CNGA1: variants seen among roughly 807,000 people sequenced by gnomAD.
CNGA1 encodes the protein cyclic nucleotide-gated channel alpha-1.
CNGA1 carries 53 observed loss-of-function variants against 69.7 expected under a neutral mutation model. That is an observed-to-expected ratio of 0.76 (90% CI 0.61 to 0.96). CNGA1 has a LOEUF of 0.96. Ranked by LOEUF, CNGA1 falls within the 40% of genes least tolerant of loss-of-function variation. The pLI, the probability that CNGA1 is intolerant of heterozygous loss-of-function variation, is 0.00. For synonymous variants in CNGA1, 249 were observed against 283.5 expected (o/e 0.88, Z 1.22); for missense variants, 739 against 811.2 (o/e 0.91, Z 1.08).
At chr4:47,955,907 A>G (rs536639962) in intron 3 of CNGA1, among the ~76,000 whole-genome samples, 3 of 152,338 alleles carry the variant, frequency 2.0e-5, no homozygotes, top group Admixed American at 6.5e-5. Flanking sequence ...TTGTGTTTTA[A>G]AAAGCTATAC....
chr4:48,002,691 A>G (rs1714714717), intron 2 of CNGA1, among the ~76,000 whole-genome samples: 1 of 150,870 alleles, frequency 6.6e-6, no homozygotes, highest in Non-Finnish European at 1.5e-5. Flanking sequence ...TGCAAAAAAA[A>G]AAAAAAAACA....
intron 2 of CNGA1, among the ~76,000 whole-genome samples, chr4:48,009,236 G>A (rs747550992): frequency 1.1e-4 from 17 of 152,120 alleles, no homozygotes; most frequent in Non-Finnish European, 2.2e-4. Context: ...GGAGGCCTAG[G>A]TGGGTGGATC....
chr4:47,965,522 G>A (rs1740675374), intron 3 of CNGA1, among the ~76,000 whole-genome samples: 1 of 151,568 alleles, frequency 6.6e-6, no homozygotes, highest in Non-Finnish European at 1.5e-5. Context: ...CACCATCTTG[G>A]TTCAAGTGAT....
chr4:47,996,316 G>T (rs550123746), intron 2 of CNGA1, among the ~76,000 whole-genome samples: 1 of 152,286 alleles, frequency 6.6e-6, no homozygotes, highest in South Asian at 2.1e-4. Context: ...TGGAATATTG[G>T]AAATTTAGTG....
intron 2 of CNGA1, among the ~76,000 whole-genome samples, chr4:47,981,879 T>C (rs556932709): frequency 6.6e-6 from 1 of 152,352 alleles, no homozygotes; most frequent in East Asian, 1.9e-4. Context: ...TTACAAAGTA[T>C]AATTACATTT....
At chr4:47,962,727 C>T (rs928195263) in intron 3 of CNGA1, among the ~76,000 whole-genome samples, 2 of 152,108 alleles carry the variant, frequency 1.3e-5, no homozygotes, top group Admixed American at 6.6e-5. Flanking sequence ...TTTCTAATTT[C>T]CCCCAAATTT....
chr4:47,990,327 G>T (rs543343528), intron 2 of CNGA1, among the ~76,000 whole-genome samples: 122 of 152,166 alleles, frequency 8.0e-4, no homozygotes, highest in South Asian at 1.5e-3. Flanking sequence ...TTGGGGGGAG[G>T]TCTATAGATG....
chr4:47,982,662 GATA>G (rs1741773454), intron 2 of CNGA1, among the ~76,000 whole-genome samples: 3 of 151,790 alleles, frequency 2.0e-5, no homozygotes, highest in African/African-American at 7.3e-5. Context: ...ATTATATTAT[GATA>G]ATATTTATAT....
At chr4:47,980,867 T>C (rs530235246) in intron 3 of CNGA1, among the ~76,000 whole-genome samples, 1 of 75,270 alleles carries the variant, frequency 1.3e-5, no homozygotes, top group Non-Finnish European at 3.2e-5. Flanking sequence ...CATAGAGTAG[T>C]ATTGTATCCT....
chr4:48,004,611 C>T (rs988890780), intron 2 of CNGA1, among the ~76,000 whole-genome samples: 1 of 152,044 alleles, frequency 6.6e-6, no homozygotes, highest in Non-Finnish European at 1.5e-5. Context: ...TTTTAGCAGG[C>T]TGTAAAGTCT....
chr4:47,983,571 C>A (rs13145327), intron 2 of CNGA1, among the ~76,000 whole-genome samples: 21,763 of 151,768 alleles, frequency 0.14, 1,889 homozygotes, highest in Middle Eastern at 0.23. Context: ...GCCTGGGCGA[C>A]AGAGCGAGAC....
rs999114062 is a variant in CNGA1 at position 48,016,635 on chromosome 4, C to G, written c.-375G>C. ...AGGCCGCTCCCAGGCCTGCGGGGGCCCTGAGAATTCGCAACAAGCCCCGGG... is the reference window on the plus strand; with the variant it reads ...AGGCCGCTCCCAGGCCTGCGGGGGCGCTGAGAATTCGCAACAAGCCCCGGG... On this transcript the variant is annotated 5_prime_UTR_variant, in exon 1 of 11. Transcript: ENST00000514170. The G allele has an allele frequency of 5.5e-6, 3 of 548,650 alleles. No homozygotes were observed. The highest frequency in any genetic ancestry group is 9.5e-6 in the Non-Finnish European group (3 of 316,142). The allele number at this position is 548,650 out of a possible 1,614,324, so 34.0% of individuals were successfully genotyped here. A position where few individuals can be genotyped will look rare whatever the true frequency, so the allele number is the denominator to read the frequency against.
At chr4:47,965,064 G>A (rs988737677) in intron 3 of CNGA1, among the ~76,000 whole-genome samples, 3 of 151,974 alleles carry the variant, frequency 2.0e-5, no homozygotes, top group Admixed American at 6.6e-5. Flanking sequence ...GAAGCATTTA[G>A]TTTTAATGTC....
At position 48,010,882 on chromosome 4, in the gene CNGA1, G is replaced by T. The variant is rs1715127447; in HGVS notation, c.-211C>A. 1 of 152,908 alleles carries T rather than the reference G, an allele frequency of 6.5e-6. No homozygotes were observed. The highest frequency in any genetic ancestry group is 2.4e-5 in the African/African-American group (1 of 41,466). 9.5% of individuals were successfully genotyped at this position (152,908 alleles called of 1,614,324 possible). Reference sequence around the variant, plus strand: ...GGGCAGTGGTGGACGGCAAGCGAAAGCTCAGCTCGAGCTGTAACAAACATG... The same window carrying T: ...GGGCAGTGGTGGACGGCAAGCGAAATCTCAGCTCGAGCTGTAACAAACATG... On this transcript the variant is annotated 5_prime_UTR_variant, in exon 2 of 11. Coordinates refer to ENST00000514170, the MANE Select transcript of CNGA1 (RefSeq NM_001379270.1).
intron 3 of CNGA1, among the ~76,000 whole-genome samples, chr4:47,971,751 G>A (rs562924007): frequency 2.0e-4 from 31 of 152,158 alleles, no homozygotes; most frequent in South Asian, 8.3e-4. Context: ...AAAATTAGCC[G>A]GGCATGGTGG....
intron 5 of CNGA1, 145 bp downstream of exon 5, chr4:47,951,208 T>C: frequency 1.5e-6 from 1 of 648,712 alleles, no homozygotes; most frequent in Non-Finnish European, 2.9e-6. Flanking sequence ...TAGTGTTTGA[T>C]TATTGGAACG....
Position 48,016,646 on chromosome 4 carries a change from G to T in CNGA1, c.-386C>A. 2 of 553,464 alleles carry T rather than the reference G, an allele frequency of 3.6e-6. No homozygotes were observed. Among genetic ancestry groups the T allele is most frequent in the South Asian group, 4.6e-5 (2 of 43,204 alleles). 34.3% of individuals were successfully genotyped at this position (553,464 alleles called of 1,614,324 possible). On this transcript the variant is annotated 5_prime_UTR_variant, in exon 1 of 11. Coordinates refer to ENST00000514170, the MANE Select transcript of CNGA1 (RefSeq NM_001379270.1). The stretch of plus-strand genomic sequence containing the variant: ...AGGCCTGCGGGGGCCCTGAGAATTC[G>T]CAACAAGCCCCGGGCAGCAGGGCTC...
intron 2 of CNGA1, among the ~76,000 whole-genome samples, chr4:47,996,996 G>T (rs1439742221): frequency 1.3e-5 from 2 of 152,106 alleles, no homozygotes; most frequent in African/African-American, 4.8e-5. Context: ...GGAGGTGGAG[G>T]TTGCAGTGAG....
In CNGA1 at chr4:47,936,853, G is replaced by A. The variant is rs182234888; in HGVS notation, c.1629C>T (p.Ile543=). The A allele has an allele frequency of 6.2e-7, 1 of 1,614,064 alleles. No homozygotes were observed. Among genetic ancestry groups the A allele is most frequent in the Non-Finnish European group, 8.5e-7 (1 of 1,180,022 alleles). The part of the protein sequence containing the change: ...VLSDGSYFGE[I]SILNIKGSKA... Reference sequence around the variant, plus strand: ...TGCTCCCTTTAATGTTAAGAATGCTGATCTCACCGAAGTAGCTGCCATCGC... The same window carrying A: ...TGCTCCCTTTAATGTTAAGAATGCTAATCTCACCGAAGTAGCTGCCATCGC... Residue 543 remains isoleucine, a synonymous_variant, in exon 11 of 11, where the codon ATC becomes ATT. Transcript: ENST00000514170.
Sources: gnomAD v4.1 joint callset for allele counts (sites outside exome capture counted in the v4.1 genomes callset) on GRCh38, gnomAD v4.1.1 for gene constraint, MANE v1.5 for transcripts, NCBI Gene and HGNC (gene_info 2026-07-23, HGNC 2026-07-21) for gene names.